The following ARGFX variants were observed in gnomAD, a reference collection of about 807,000 sequenced individuals.
ARGFX encodes the protein arginine-fifty homeobox.
ARGFX carries 10 observed loss-of-function variants against 8.0 expected under a neutral mutation model. The ratio of observed to expected loss-of-function variants is 1.25; its 90% CI spans 0.77 to 2.12. The LOEUF is 2.12. Among genes scored for constraint, ARGFX ranks in the 30% most tolerant of loss-of-function variants. ARGFX has a pLI of 0.00. For missense variants in ARGFX, 282 were observed against 324.3 expected (o/e 0.87, Z 1.00); for synonymous variants, 116 against 117.8 (o/e 0.98, Z 0.10).
Position 121,576,772 on chromosome 3 carries a change from T to C in ARGFX, c.104-12T>C, listed in dbSNP as rs2048741054. The stretch of plus-strand genomic sequence containing the variant: ...TTCTCTTTCTTTCTTTCCTTTTCTT[T>C]TTTTGAGACAGGTTTCACTCTGTTA... On this transcript the variant is annotated splice_polypyrimidine_tract_variant and intron_variant, in intron 2 of 4. Coordinates refer to ENST00000334384, the MANE Select transcript of ARGFX (RefSeq NM_001012659.2). 2.4e-6 allele frequency: 1 copy of C among 414,718 alleles called. No homozygotes were observed. Among genetic ancestry groups the C allele is most frequent in the Non-Finnish European group, 4.8e-6 (1 of 209,866 alleles). 25.7% of individuals were successfully genotyped at this position (414,718 alleles called of 1,614,324 possible).
At chr3:121,583,765 G>A (rs1192697069) in intron 3 of ARGFX, among the ~76,000 whole-genome samples, 1 of 152,114 alleles carries the variant, frequency 6.6e-6, no homozygotes, top group Non-Finnish European at 1.5e-5. Context: ...CCAGTCATGT[G>A]ATGCTCTTAC....
Position 121,586,344 on chromosome 3 carries a change from T to C in ARGFX, c.692T>C (p.Ile231Thr), listed in dbSNP as rs766748499. Residue 231 changes from isoleucine to threonine, a missense_variant, in exon 5 of 5, where the codon ATA (isoleucine) becomes ACA (threonine). Transcript: ENST00000334384. ...GATGCCTATGACATATTCCAAATCA[T>C]AGAACTGTACAATCTTCCTGATGAG... is the stretch of plus-strand genomic sequence containing the variant. ...YSDAYDIFQI[I>T]ELYNLPDENE... 2.3e-4 allele frequency: 368 copies of C among 1,614,082 alleles called. 1 individual carries two copies. Among genetic ancestry groups the C allele is most frequent in the South Asian group, 1.2e-3 (109 of 91,086 alleles).
At chr3:121,573,848 C>CAAAAAAAAAAAA (rs35593006) in intron 2 of ARGFX, among the ~76,000 whole-genome samples, 2 of 59,036 alleles carry the variant, frequency 3.4e-5, no homozygotes, top group Non-Finnish European at 6.0e-5. Flanking sequence ...AACTCCATCT[C>CAAAAAAAAAAAA]AAAAAAAAAA....
At position 121,587,159 on chromosome 3, in the gene ARGFX, C is replaced by T. The variant is rs746740813; in HGVS notation, c.*559C>T. Among the ~76,000 whole-genome samples the T allele has an allele frequency of 6.6e-6, 1 of 152,196 alleles. No individual in the cohort carries two copies. The highest frequency in any genetic ancestry group is 1.5e-5 in the Non-Finnish European group (1 of 68,006). ...TCCACCTCCTGGGGTTCAAGTGATT[C>T]TCCTGTGTCAGCCTCCTGAGTAGCT... On this transcript the variant is annotated 3_prime_UTR_variant, in exon 5 of 5. Coordinates refer to ENST00000334384, the MANE Select transcript of ARGFX (RefSeq NM_001012659.2).
At chr3:121,579,382 G>T (rs1042423922) in intron 3 of ARGFX, among the ~76,000 whole-genome samples, 23 of 152,094 alleles carry the variant, frequency 1.5e-4, no homozygotes, top group Non-Finnish European at 3.1e-4. Context: ...TTTAGCCAAG[G>T]CTGACTGAAA....
At chr3:121,569,064 G>T (rs183223739) in intron 1 of ARGFX, among the ~76,000 whole-genome samples, 1 of 152,094 alleles carries the variant, frequency 6.6e-6, no homozygotes, top group Non-Finnish European at 1.5e-5. Flanking sequence ...TGATAAATGC[G>T]TGACGTGTTA....
chr3:121,586,271 G>T lies in ARGFX; in HGVS notation c.619G>T (p.Asp207Tyr), dbSNP rs1330757949. The T allele has an allele frequency of 1.2e-6, 2 of 1,614,166 alleles. No homozygotes were observed. Among genetic ancestry groups the T allele is most frequent in the Non-Finnish European group, 1.7e-6 (2 of 1,180,034 alleles). ...ESSTSDFQMQ[D>Y]TQWERLVASV... is the part of the protein sequence containing the mutation. Reference sequence around the variant, plus strand: ...TTCTACCAGTGACTTCCAAATGCAAGATACTCAGTGGGAGAGGCTGGTGGC... The same window carrying T: ...TTCTACCAGTGACTTCCAAATGCAATATACTCAGTGGGAGAGGCTGGTGGC... Residue 207 changes from aspartate to tyrosine, a missense_variant, in exon 5 of 5, where the codon GAT becomes TAT. Transcript: ENST00000334384.
intron 2 of ARGFX, among the ~76,000 whole-genome samples, chr3:121,574,542 C>A (rs2048725556): frequency 6.6e-6 from 1 of 152,206 alleles, no homozygotes; most frequent in Non-Finnish European, 1.5e-5. Flanking sequence ...CTGTGCAGTG[C>A]ACAATAGGAT....
intron 2 of ARGFX, among the ~76,000 whole-genome samples, chr3:121,575,425 T>C (rs1248264082): frequency 6.6e-6 from 1 of 152,240 alleles, no homozygotes; most frequent in Non-Finnish European, 1.5e-5. Context: ...TAAACTCATT[T>C]AAAGTAGCCT....
intron 2 of ARGFX, among the ~76,000 whole-genome samples, chr3:121,574,128 C>A (rs543129772): frequency 5.3e-5 from 8 of 152,168 alleles, no homozygotes; most frequent in African/African-American, 1.9e-4. Flanking sequence ...AATAGACTTA[C>A]CAGTTCAAGA....
At chr3:121,574,055 T>G (rs865931410) in intron 2 of ARGFX, among the ~76,000 whole-genome samples, 21 of 152,048 alleles carry the variant, frequency 1.4e-4, no homozygotes, top group South Asian at 4.2e-4. Flanking sequence ...TCAGAATGTT[T>G]GCAGGAATGT....
At chr3:121,580,594 G>GTGTATA (rs1394661822) in intron 3 of ARGFX, among the ~76,000 whole-genome samples, 1 of 73,392 alleles carries the variant, frequency 1.4e-5, no homozygotes, top group African/African-American at 5.5e-5. Flanking sequence ...GTGTGTGTGT[G>GTGTATA]TATATATATA....
At chr3:121,576,240 A>G (rs1252067968) in intron 2 of ARGFX, among the ~76,000 whole-genome samples, 2 of 152,104 alleles carry the variant, frequency 1.3e-5, no homozygotes, top group Non-Finnish European at 2.9e-5. Flanking sequence ...ACAGTGCCCA[A>G]ACCAAATTTT....
intron 2 of ARGFX, 35 bp from the exon 3 acceptor site, chr3:121,576,729 TTCTTTCTTTCTTTCTTTTTC>T (rs879492766): frequency 1.1e-4 from 40 of 353,800 alleles, no homozygotes; most frequent in Non-Finnish European, 2.1e-4. Context: ...CTTTCTTTCT[TTCTTTCTTTCTTTCTTTTTC>T]TCTTTCTTTC....
rs2048833940 is a variant in ARGFX at position 121,589,616 on chromosome 3, T to G, written c.*3016T>G. ...GCCTCAAACTCCTGAGCTCAAGTGA[T>G]CCTCCCGTCTCAGCCTCCCAAAGGG... is the stretch of plus-strand genomic sequence containing the variant. On this transcript the variant is annotated 3_prime_UTR_variant, in exon 5 of 5. Transcript: ENST00000334384. 6.6e-6 allele frequency among the ~76,000 whole-genome samples: 1 copy of G among 152,112 alleles called. No homozygotes were observed.
intron 2 of ARGFX, among the ~76,000 whole-genome samples, chr3:121,575,564 G>T (rs975188813): frequency 1.3e-5 from 2 of 152,102 alleles, no homozygotes; most frequent in Admixed American, 6.6e-5. Flanking sequence ...AGCATGCACG[G>T]CCTCTTGAGT....
intron 3 of ARGFX, among the ~76,000 whole-genome samples, chr3:121,578,858 T>TA (rs1341175568): frequency 1.3e-5 from 2 of 151,556 alleles, no homozygotes; most frequent in Non-Finnish European, 2.9e-5. Flanking sequence ...TTTGTATTTT[T>TA]AGTAGATATG....
intron 3 of ARGFX, among the ~76,000 whole-genome samples, chr3:121,584,204 GAGGAAGGAAGGAAGGA>G (rs749567796): frequency 0.042 from 4,372 of 104,246 alleles, 108 homozygotes; most frequent in Non-Finnish European, 0.057. Flanking sequence ...GACAGAGAGA[GAGGAAGGAAGGAAGGA>G]AGGAAGGAAG....
intron 2 of ARGFX, 33 bp from the exon 3 acceptor site, chr3:121,576,751 C>G (rs1026627580): frequency 3.4e-6 from 1 of 291,522 alleles, no homozygotes; most frequent in Non-Finnish European, 6.8e-6. Context: ...TTCTTTTTCT[C>G]TTTCTTTCTT....
Sources: gnomAD v4.1 joint callset for allele counts (sites outside exome capture counted in the v4.1 genomes callset) on GRCh38, gnomAD v4.1.1 for gene constraint, MANE v1.5 for transcripts, NCBI Gene and HGNC (gene_info 2026-07-23, HGNC 2026-07-21) for gene names.